ZBTB20: variants seen among roughly 807,000 people sequenced by gnomAD.
ZBTB20 encodes the protein zinc finger and BTB domain containing 20.
Under a neutral mutation model 56.9 loss-of-function variants are expected in ZBTB20, and 9 were observed. That is an observed-to-expected ratio of 0.16 (90% CI 0.10 to 0.28). The LOEUF is 0.28. ZBTB20 is among the 10% of genes least tolerant of loss of function. ZBTB20 has a pLI of 1.00. For missense variants in ZBTB20, 655 were observed against 1,003.0 expected (o/e 0.65, Z 4.69); for synonymous variants, 417 against 420.7 (o/e 0.99, Z 0.11).
chr3:115,147,003 C>T (rs1032835008), intron 1 of ZBTB20, among the ~76,000 whole-genome samples: 10 of 148,584 alleles, frequency 6.7e-5, no homozygotes, highest in African/African-American at 2.5e-4. Context: ...CGGGGCGGGG[C>T]GGGGCGGGGC....
At chr3:114,993,074 C>A (rs1409943095) in intron 2 of ZBTB20, among the ~76,000 whole-genome samples, 2 of 151,946 alleles carry the variant, frequency 1.3e-5, no homozygotes, top group Non-Finnish European at 2.9e-5. Flanking sequence ...AATTCAACAT[C>A]TACCTATTAA....
chr3:114,472,076 T>C (rs1053180248), intron 7 of ZBTB20, among the ~76,000 whole-genome samples: 2 of 152,184 alleles, frequency 1.3e-5, no homozygotes, highest in African/African-American at 4.8e-5. Context: ...CAGGGCTAAA[T>C]AAATGTAAAG....
At chr3:115,029,704 T>C (rs1465132989) in intron 2 of ZBTB20, among the ~76,000 whole-genome samples, 1 of 150,748 alleles carries the variant, frequency 6.6e-6, no homozygotes, top group Non-Finnish European at 1.5e-5. Flanking sequence ...ACAGAGTAAA[T>C]TTAGAGCCTA....
chr3:114,800,619 T>G (rs1007732800), intron 5 of ZBTB20, among the ~76,000 whole-genome samples: 1 of 151,910 alleles, frequency 6.6e-6, no homozygotes, highest in Non-Finnish European at 1.5e-5. Flanking sequence ...CAGAATCTTG[T>G]GATGTCATCA....
intron 3 of ZBTB20, among the ~76,000 whole-genome samples, chr3:114,966,397 A>G (rs2108004658): frequency 6.6e-6 from 1 of 152,284 alleles, no homozygotes; most frequent in South Asian, 2.1e-4. Flanking sequence ...AAAAGTTTTA[A>G]TATTTTCTAA....
chr3:114,318,569 A>G lies in ZBTB20; in HGVS notation c.*20436T>C, dbSNP rs765325033. ...TCCCACTCACATTTTACTTCGTGAGACCTCAACTCTCAGGCTCACCACCTT... is the reference window on the plus strand; with the variant it reads ...TCCCACTCACATTTTACTTCGTGAGGCCTCAACTCTCAGGCTCACCACCTT... On this transcript the variant is annotated 3_prime_UTR_variant, in exon 12 of 12. Transcript: ENST00000675478. The G allele has an allele frequency of 8.6e-5, 13 of 152,038 alleles. No individual in the cohort carries two copies. The highest frequency in any genetic ancestry group is 1.5e-4 in the Non-Finnish European group (10 of 68,006). The allele number at this position is 152,038 out of a possible 1,614,324, so 9.4% of individuals were successfully genotyped here.
At chr3:114,517,444 A>G (rs1386032061) in intron 6 of ZBTB20, among the ~76,000 whole-genome samples, 2 of 152,236 alleles carry the variant, frequency 1.3e-5, no homozygotes, top group African/African-American at 2.4e-5. Context: ...CACAGTTTAC[A>G]AAGTAATAAG....
At chr3:115,102,969 TA>T (rs58202071) in intron 1 of ZBTB20, 1,763 of 137,560 alleles carry the variant, frequency 0.013, 16 homozygotes, top group African/African-American at 0.037. Context: ...CATCTCAAAT[TA>T]AAAAAAAAAA....
At chr3:114,388,953 T>G (rs1028230953) in intron 8 of ZBTB20, 52 bp downstream of exon 8, 1 of 152,118 alleles carries the variant, frequency 6.6e-6, no homozygotes, top group African/African-American at 2.4e-5. Context: ...TGTGTGTGTG[T>G]ATTAAACAAA....
At chr3:114,693,336 T>C (rs1050884605) in intron 6 of ZBTB20, among the ~76,000 whole-genome samples, 192 bp downstream of exon 6, 2 of 152,170 alleles carry the variant, frequency 1.3e-5, no homozygotes, top group Non-Finnish European at 2.9e-5. Context: ...AATGAACAAA[T>C]AGGATATTAA....
chr3:114,725,634 AT>A (rs747097385), intron 5 of ZBTB20, among the ~76,000 whole-genome samples: 6 of 152,198 alleles, frequency 3.9e-5, no homozygotes, highest in Non-Finnish European at 8.8e-5. Flanking sequence ...AAATTTAAAC[AT>A]TTTCATTCCC....
At chr3:114,783,729 GT>G (rs2070284488) in intron 5 of ZBTB20, among the ~76,000 whole-genome samples, 1 of 149,410 alleles carries the variant, frequency 6.7e-6, no homozygotes, top group Non-Finnish European at 1.5e-5. Context: ...GGAAGCAGAG[GT>G]TGCAGTGAGC....
At chr3:114,525,028 C>T (rs1158258397) in intron 6 of ZBTB20, among the ~76,000 whole-genome samples, 6 of 152,082 alleles carry the variant, frequency 3.9e-5, no homozygotes, top group African/African-American at 1.4e-4. Context: ...ATTTTGAATA[C>T]TCTCTACTCT....
At chr3:114,926,790 C>T (rs2076173572) in intron 3 of ZBTB20, among the ~76,000 whole-genome samples, 1 of 152,114 alleles carries the variant, frequency 6.6e-6, no homozygotes, top group Non-Finnish European at 1.5e-5. Flanking sequence ...CAATCTGTCA[C>T]CCAGGCTTTG....
At chr3:114,541,222 T>C in intron 6 of ZBTB20, among the ~76,000 whole-genome samples, 1 of 152,272 alleles carries the variant, frequency 6.6e-6, no homozygotes, top group African/African-American at 2.4e-5. Flanking sequence ...CCAGTATCTA[T>C]GATTAAATGC....
chr3:114,786,480 C>CA (rs1190223177), intron 5 of ZBTB20, among the ~76,000 whole-genome samples: 1 of 150,890 alleles, frequency 6.6e-6, no homozygotes, highest in Non-Finnish European at 1.5e-5. Flanking sequence ...TGAAATCACA[C>CA]AAAAAAAGGA....
At chr3:114,618,299 G>T (rs867802972) in intron 6 of ZBTB20, among the ~76,000 whole-genome samples, 37 of 145,934 alleles carry the variant, frequency 2.5e-4, no homozygotes, top group African/African-American at 8.9e-4. Flanking sequence ...GCCCAGGTTG[G>T]AGTATAGTGG....
intron 8 of ZBTB20, among the ~76,000 whole-genome samples, chr3:114,384,207 A>T (rs1404204478): frequency 1.3e-5 from 2 of 150,130 alleles, no homozygotes; most frequent in East Asian, 2.0e-4. Flanking sequence ...AAAATTATAC[A>T]CTCTGATGAA....
intron 6 of ZBTB20, among the ~76,000 whole-genome samples, chr3:114,565,761 C>G (rs184050943): frequency 0.018 from 2,761 of 152,050 alleles, 78 homozygotes; most frequent in African/African-American, 0.062. Context: ...AAATGCTTAT[C>G]TCACCCCAAC....
Sources: gnomAD v4.1 joint callset for allele counts (sites outside exome capture counted in the v4.1 genomes callset) on GRCh38, gnomAD v4.1.1 for gene constraint, MANE v1.5 for transcripts, NCBI Gene and HGNC (gene_info 2026-07-23, HGNC 2026-07-21) for gene names.